NLGN1: variants seen among roughly 807,000 people sequenced by gnomAD.
The protein encoded by NLGN1 is neuroligin-1.
A neutral mutation model predicts 65.5 loss-of-function variants in NLGN1; 12 were observed. The ratio of observed to expected loss-of-function variants is 0.18; its 90% confidence interval spans 0.12 to 0.30. NLGN1 has a LOEUF of 0.30. Among genes scored for constraint, NLGN1 ranks in the 10% least tolerant of loss-of-function variants. The pLI is 1.00. For synonymous variants in NLGN1, 350 were observed against 359.5 expected, an observed-to-expected ratio of 0.97 and a Z score of 0.30; for missense variants, 750 against 1,007.1, an observed-to-expected ratio of 0.74 and a Z score of 3.46.
chr3:173,933,627 T>TGA (rs1744532540), intron 4 of NLGN1, among the ~76,000 whole-genome samples: 1 of 152,140 alleles, frequency 6.6e-6, no homozygotes, highest in Non-Finnish European at 1.5e-5. Flanking sequence ...TTGACATAGT[T>TGA]CTTCCTTCTG....
intron 4 of NLGN1, among the ~76,000 whole-genome samples, chr3:173,817,057 A>G (rs75302578): frequency 1.3e-5 from 2 of 152,362 alleles, no homozygotes; most frequent in Admixed American, 1.3e-4. Context: ...ATATTTGTTA[A>G]TGAATTTAAA....
At chr3:174,015,666 C>G (rs996607450) in intron 4 of NLGN1, among the ~76,000 whole-genome samples, 1 of 152,130 alleles carries the variant, frequency 6.6e-6, no homozygotes, top group Admixed American at 6.6e-5. Context: ...GACTTAGTTA[C>G]ACTTAGCCAA....
intron 4 of NLGN1, among the ~76,000 whole-genome samples, chr3:174,239,041 C>A (rs1171788329): frequency 6.6e-6 from 1 of 151,700 alleles, no homozygotes; most frequent in Non-Finnish European, 1.5e-5. Context: ...TAATATATTG[C>A]CTAGTTCTTT....
chr3:173,728,801 G>C (rs1772286040), intron 3 of NLGN1, among the ~76,000 whole-genome samples: 1 of 152,074 alleles, frequency 6.6e-6, no homozygotes, highest in African/African-American at 2.4e-5. Flanking sequence ...CGCAAAGAAG[G>C]ATTTTTTTCC....
intron 2 of NLGN1, among the ~76,000 whole-genome samples, chr3:173,594,193 C>T (rs530065635): frequency 6.6e-6 from 1 of 152,314 alleles, no homozygotes; most frequent in South Asian, 2.1e-4. Flanking sequence ...TCCAAAGTCT[C>T]ATCTGAGGAA....
chr3:174,129,541 G>A (rs1468875133), intron 4 of NLGN1, among the ~76,000 whole-genome samples: 7 of 152,236 alleles, frequency 4.6e-5, no homozygotes, highest in South Asian at 2.1e-4. Flanking sequence ...GTCAAAGTAC[G>A]TACGACATTT....
chr3:174,274,400 A>G (rs1382606447), intron 4 of NLGN1, among the ~76,000 whole-genome samples: 1 of 151,844 alleles, frequency 6.6e-6, no homozygotes, highest in East Asian at 1.9e-4. Context: ...CAACTTTCAT[A>G]TGTAAAACAG....
chr3:174,203,595 C>A (rs1734894335), intron 4 of NLGN1, among the ~76,000 whole-genome samples: 1 of 152,170 alleles, frequency 6.6e-6, no homozygotes, highest in South Asian at 2.1e-4. Flanking sequence ...ACATTCAGGG[C>A]ACCCACATCT....
chr3:173,572,651 G>T (rs1049034193), intron 2 of NLGN1, among the ~76,000 whole-genome samples: 1 of 152,204 alleles, frequency 6.6e-6, no homozygotes, highest in Non-Finnish European at 1.5e-5. Context: ...GGTTGTCATA[G>T]TTATGATTTC....
At chr3:174,097,787 T>C in intron 4 of NLGN1, among the ~76,000 whole-genome samples, 1 of 152,084 alleles carries the variant, frequency 6.6e-6, no homozygotes, top group East Asian at 1.9e-4. Flanking sequence ...CTAAGGGAAG[T>C]GGTCAGAGGT....
At chr3:173,960,405 T>A (rs1160049527) in intron 4 of NLGN1, among the ~76,000 whole-genome samples, 1 of 152,042 alleles carries the variant, frequency 6.6e-6, no homozygotes, top group Non-Finnish European at 1.5e-5. Context: ...TACTAATATC[T>A]AAGTGGAATT....
intron 3 of NLGN1, among the ~76,000 whole-genome samples, chr3:173,751,759 A>G (rs928326196): frequency 3.3e-5 from 5 of 152,048 alleles, no homozygotes; most frequent in Non-Finnish European, 7.4e-5. Context: ...AAAATATAGT[A>G]ATAGCTACTA....
intron 4 of NLGN1, among the ~76,000 whole-genome samples, chr3:174,110,502 T>C (rs1714954367): frequency 6.6e-6 from 1 of 151,992 alleles, no homozygotes; most frequent in Non-Finnish European, 1.5e-5. Context: ...GCTATTTAAC[T>C]CTTCAAGCAT....
intron 1 of NLGN1, among the ~76,000 whole-genome samples, chr3:173,409,594 C>T (rs1483669295): frequency 6.6e-6 from 1 of 152,120 alleles, no homozygotes; most frequent in Admixed American, 6.5e-5. Flanking sequence ...TCCCTGTATC[C>T]AGTCAACAAT....
At chr3:173,644,496 C>T (rs1272107623) in intron 3 of NLGN1, 1 of 163,604 alleles carries the variant, frequency 6.1e-6, no homozygotes, top group African/African-American at 2.4e-5. Flanking sequence ...GAGTTCGCCC[C>T]TTGCTGCATC....
intron 3 of NLGN1, among the ~76,000 whole-genome samples, chr3:173,623,356 A>G (rs990255209): frequency 4.2e-5 from 3 of 71,628 alleles, no homozygotes; most frequent in African/African-American, 1.5e-4. Flanking sequence ...ATTTTTGTGA[A>G]AAAAAAAAAC....
chr3:173,844,390 G>T (rs948169626), intron 4 of NLGN1, among the ~76,000 whole-genome samples: 1 of 152,180 alleles, frequency 6.6e-6, no homozygotes, highest in African/African-American at 2.4e-5. Context: ...TTGGTAGAAT[G>T]TGTGGGTTTG....
In NLGN1 at chr3:173,989,972, G is replaced by A. The variant is rs147011165; in HGVS notation, c.646+182140G>A. Reference sequence around the variant, plus strand: ...TGGATCACCAGCTCACTTACAGACAGATAGAAGAATAAGGTTGGCATATTG... The same window carrying A: ...TGGATCACCAGCTCACTTACAGACAAATAGAAGAATAAGGTTGGCATATTG... On this transcript the variant is annotated intron_variant, in intron 4 of 6. Coordinates refer to ENST00000457714, the Ensembl canonical transcript of NLGN1. Among the ~76,000 whole-genome samples the A allele has an allele frequency of 2.4e-3, 361 of 152,288 alleles. 1 individual carries two copies. Among genetic ancestry groups the A allele is most frequent in the African/African-American group, 7.0e-3 (292 of 41,558 alleles).
the NLGN1 span, among the ~76,000 whole-genome samples, chr3:174,292,989 T>G: frequency 6.6e-6 from 1 of 151,510 alleles, no homozygotes; most frequent in Non-Finnish European, 1.5e-5. Context: ...CGATTTAAAA[T>G]TTTCCCAGTT....
Sources: gnomAD v4.1 joint callset for allele counts (sites outside exome capture counted in the v4.1 genomes callset) on GRCh38, gnomAD v4.1.1 for gene constraint, MANE v1.5 for transcripts, NCBI Gene and HGNC (gene_info 2026-07-23, HGNC 2026-07-21) for gene names.